The following ADGRF4 variants were observed in gnomAD, a reference collection of about 807,000 sequenced individuals.
ADGRF4 encodes adhesion G protein-coupled receptor F4.
Under a neutral mutation model 58.5 loss-of-function variants are expected in ADGRF4, and 63 were observed. The ratio of observed to expected loss-of-function variants is 1.08; its 90% CI spans 0.88 to 1.33. The LOEUF is 1.33. Ranked by LOEUF, ADGRF4 falls within the 40% of genes most tolerant of loss-of-function variation. The pLI is 0.00. For missense variants in ADGRF4, 931 were observed against 843.9 expected (o/e 1.10, Z -1.28); for synonymous variants, 313 against 295.4 (o/e 1.06, Z -0.61).
intron 5 of ADGRF4, among the ~76,000 whole-genome samples, chr6:47,713,034 G>A (rs558210183): frequency 1.1e-4 from 16 of 152,302 alleles, no homozygotes; most frequent in African/African-American, 3.8e-4. Context: ...TGTTGGATCA[G>A]CTGCAGCATT....
rs1411797380 is a variant in ADGRF4 at position 47,721,774 on chromosome 6, A to C, written c.*569A>C. The stretch of plus-strand genomic sequence containing the variant: ...ATAGGGAACGGAAGAAAAGCAAGAG[A>C]ACTGTTTAATATGCTGATTATTTTA... On this transcript the variant is annotated 3_prime_UTR_variant, in exon 10 of 10. Coordinates refer to ENST00000283303, the MANE Select transcript of ADGRF4 (RefSeq NM_153838.5). 2.6e-5 allele frequency: 4 copies of C among 152,084 alleles called. No homozygotes were observed. Among genetic ancestry groups the C allele is most frequent in the Non-Finnish European group, 2.9e-5 (2 of 68,002 alleles). The allele number at this position is 152,084 out of a possible 1,614,324, so 9.4% of individuals were successfully genotyped here. A position where few individuals can be genotyped will look rare whatever the true frequency, so the allele number is the denominator to read the frequency against.
At chr6:47,703,612 T>C (rs1010365269) in intron 1 of ADGRF4, among the ~76,000 whole-genome samples, 3 of 152,220 alleles carry the variant, frequency 2.0e-5, no homozygotes, top group Non-Finnish European at 4.4e-5. Flanking sequence ...TATAGTTACA[T>C]ATGCCAGACT....
Position 47,714,745 on chromosome 6 carries a change from T to G in ADGRF4, c.1500T>G (p.Tyr500Ter), listed in dbSNP as rs768692902. The G allele has an allele frequency of 3.1e-6, 5 of 1,614,020 alleles. No homozygotes were observed. The Admixed American group carries it at 5.0e-5, about 16-fold the overall frequency. ...TCTTCAAAGCATTGCTCATCATTTATGGAATATTGGTCATTTTCCGTAGGA... is the reference window on the plus strand; with the variant it reads ...TCTTCAAAGCATTGCTCATCATTTAGGGAATATTGGTCATTTTCCGTAGGA... The part of the protein sequence containing the change: ...WMLFKALLII[Y>*]GILVIFRRMM... Residue 500 changes from tyrosine (Y) to a stop codon, truncating the protein, a stop_gained, in exon 6 of 10, where the codon TAT becomes TAG. Transcript: ENST00000283303. LOFTEE classifies it high-confidence loss of function.
At chr6:47,718,493 A>G (rs780008967) in intron 9 of ADGRF4, 48 bp downstream of exon 9, 12 of 1,079,696 alleles carry the variant, frequency 1.1e-5, no homozygotes, top group Middle Eastern at 3.9e-4. Context: ...ATTTGTGTCA[A>G]TCCACCAATG....
intron 9 of ADGRF4, among the ~76,000 whole-genome samples, chr6:47,720,338 C>T (rs536355458): frequency 6.3e-4 from 96 of 152,184 alleles, no homozygotes; most frequent in Middle Eastern, 3.4e-3. Flanking sequence ...AGACCTTCAC[C>T]AAGAATAGAG....
Position 47,707,354 on chromosome 6 carries a change from T to C in ADGRF4, c.93+16T>C, listed in dbSNP as rs375849278. The C allele has an allele frequency of 4.2e-6, 6 of 1,432,468 alleles. No individual in the cohort carries two copies. The African/African-American group carries it at 7.0e-5, about 17-fold the overall frequency. 88.7% of individuals were successfully genotyped at this position (1,432,468 alleles called of 1,614,324 possible). A position where few individuals can be genotyped will look rare whatever the true frequency, so the allele number is the denominator to read the frequency against. ...TCACCTAAAAGTAAGTTTGATCTAT[T>C]CCTATGTGATCCGAGGAGAAATCTC... On this transcript the variant is annotated intron_variant, in intron 2 of 9. Coordinates refer to ENST00000283303, the MANE Select transcript of ADGRF4 (RefSeq NM_153838.5).
At chr6:47,712,958 G>A (rs1200699365) in intron 5 of ADGRF4, among the ~76,000 whole-genome samples, 1 of 152,168 alleles carries the variant, frequency 6.6e-6, no homozygotes, top group Non-Finnish European at 1.5e-5. Context: ...GGCCTCTTAG[G>A]ATCTGGGCTA....
At chr6:47,705,977 G>A (rs1327760110) in intron 1 of ADGRF4, among the ~76,000 whole-genome samples, 1 of 152,142 alleles carries the variant, frequency 6.6e-6, no homozygotes, top group African/African-American at 2.4e-5. Flanking sequence ...TCTAGCAAAT[G>A]AGTGACACTT....
chr6:47,718,774 A>G (rs187142538), intron 9 of ADGRF4, among the ~76,000 whole-genome samples: 1 of 152,322 alleles, frequency 6.6e-6, no homozygotes, highest in East Asian at 1.9e-4. Context: ...CACTTGATTG[A>G]TTGGAATTAC....
In ADGRF4 at chr6:47,716,840, A is replaced by G; in HGVS notation, c.1967A>G (p.Asp656Gly). The G allele has an allele frequency of 6.3e-7, 1 of 1,598,702 alleles. No individual in the cohort carries two copies. Residue 656 changes from aspartate (D) to glycine (G), a missense_variant, in exon 7 of 10, where the codon GAT becomes GGT. Transcript: ENST00000283303. ...ATCCTGCTGTTTGGAACCATTATGG[A>G]TCACAAGGTAATTTGAATTTGCTTC... ...FFILLFGTIM[D>G]HKIRDALRMR...
chr6:47,708,043 C>T lies in ADGRF4; in HGVS notation c.94-181C>T, dbSNP rs115166464. 3.9e-3 allele frequency among the ~76,000 whole-genome samples: 598 copies of T among 152,304 alleles called. 3 individuals carry two copies. Among genetic ancestry groups the T allele is most frequent in the African/African-American group, 0.014 (574 of 41,570 alleles). ...TCCCTTATCAGAGGGCGTGCATTCT[C>T]CCTGTGCTCTCATCCACATTTCCTT... is the stretch of plus-strand genomic sequence containing the variant. On this transcript the variant is annotated intron_variant, in intron 2 of 9. Transcript: ENST00000283303.
At position 47,714,694 on chromosome 6, in the gene ADGRF4, C is replaced by A; in HGVS notation, c.1449C>A (p.Phe483Leu). 1 of 1,614,114 alleles carries A rather than the reference C, an allele frequency of 6.2e-7. No homozygotes were observed. The highest frequency in any genetic ancestry group is 1.6e-4 in the Middle Eastern group (1 of 6,062). ...CVAVTFFSHF[F>L]YLSLFFWMLF... ...CAGTGACATTTTTCAGCCACTTTTTCTACCTCTCTCTGTTTTTCTGGATGC... is the reference window on the plus strand; with the variant it reads ...CAGTGACATTTTTCAGCCACTTTTTATACCTCTCTCTGTTTTTCTGGATGC... Residue 483 changes from phenylalanine to leucine, a missense_variant, in exon 6 of 10, where the codon TTC (phenylalanine) becomes TTA (leucine). By Grantham distance (22) the Phe-to-Leu change is conservative. Coordinates refer to ENST00000283303, the MANE Select transcript of ADGRF4 (RefSeq NM_153838.5).
In ADGRF4 at chr6:47,713,998, C is replaced by G. The variant is rs781041801; in HGVS notation, c.753C>G (p.Thr251=). 33 of 1,604,856 alleles carry G rather than the reference C, an allele frequency of 2.1e-5. No individual in the cohort carries two copies. The highest frequency in any genetic ancestry group is 2.7e-5 in the Non-Finnish European group (32 of 1,175,392). Residue 251 remains threonine, a synonymous_variant, in exon 6 of 10, where the codon ACC becomes ACG. Coordinates refer to ENST00000283303, the MANE Select transcript of ADGRF4 (RefSeq NM_153838.5). ...AAGGGTTTCACATCAACCATAATACCTCAGAGAAAAGCCTCAATTTCTCCA... is the reference window on the plus strand; with the variant it reads ...AAGGGTTTCACATCAACCATAATACGTCAGAGAAAAGCCTCAATTTCTCCA... The part of the protein sequence containing the change: ...QTKGFHINHN[T]SEKSLNFSMS...
At chr6:47,716,082 G>A (rs767204174) in intron 6 of ADGRF4, among the ~76,000 whole-genome samples, 1 of 150,404 alleles carries the variant, frequency 6.6e-6, no homozygotes, top group African/African-American at 2.5e-5. Context: ...TTCTTACTTT[G>A]CAATTTAATT....
intron 6 of ADGRF4, among the ~76,000 whole-genome samples, chr6:47,715,998 T>TA (rs56205420): frequency 0.38 from 26,782 of 70,834 alleles, 2,622 homozygotes; most frequent in Non-Finnish European, 0.52. Context: ...TTTTTTTTTT[T>TA]TATCAAAGAC....
chr6:47,718,318 C>T, intron 8 of ADGRF4, 71 bp from the exon 9 acceptor site: 1 of 831,372 alleles, frequency 1.2e-6, no homozygotes, highest in Non-Finnish European at 2.1e-6. Flanking sequence ...ACATATTTAT[C>T]TCTAGAGAGG....
chr6:47,713,703 G>T, intron 5 of ADGRF4, 95 bp from the exon 6 acceptor site: 1 of 969,558 alleles, frequency 1.0e-6, no homozygotes, highest in Non-Finnish European at 1.5e-6. Flanking sequence ...AATAAGATTG[G>T]GTAACCTGAT....
At position 47,714,843 on chromosome 6, in the gene ADGRF4, C is replaced by T. The variant is rs1463321365; in HGVS notation, c.1598C>T (p.Thr533Ile). The T allele has an allele frequency of 6.2e-7, 1 of 1,610,574 alleles. No homozygotes were observed. The highest frequency in any genetic ancestry group is 2.2e-5 in the East Asian group (1 of 44,766). Residue 533 changes from threonine (T) to isoleucine (I), a missense_variant, in exon 6 of 10, where the codon ACA (threonine) becomes ATA (isoleucine). Thr to Ile is a moderately conservative substitution (Grantham distance 89). Coordinates refer to ENST00000283303, the MANE Select transcript of ADGRF4 (RefSeq NM_153838.5). Reference sequence around the variant, plus strand: ...TGCCCATTGATCATTGCTGTCACTACAGTTGCTATCACAGAGCCAGAGAAA... The same window carrying T: ...TGCCCATTGATCATTGCTGTCACTATAGTTGCTATCACAGAGCCAGAGAAA... ...YGCPLIIAVT[T>I]VAITEPEKGY...
intron 9 of ADGRF4, among the ~76,000 whole-genome samples, chr6:47,720,817 A>C (rs1188747759): frequency 6.6e-6 from 1 of 152,054 alleles, no homozygotes; most frequent in African/African-American, 2.4e-5. Flanking sequence ...AGAGTTTTTC[A>C]CTCCACAATA....
Sources: allele counts gnomAD v4.1 joint callset (sites outside exome capture counted in the v4.1 genomes callset), GRCh38; gene constraint gnomAD v4.1.1; transcripts MANE v1.5; gene names NCBI Gene and HGNC (gene_info 2026-07-23, HGNC 2026-07-21).